LPGAT1: variants seen among roughly 807,000 people sequenced by gnomAD.
LPGAT1 encodes the protein lysophosphatidylglycerol acyltransferase 1, also known as acyl-CoA:lysophosphatidylglycerol acyltransferase 1.
A neutral mutation model predicts 47.5 loss-of-function variants in LPGAT1; 11 were observed. The ratio of observed to expected loss-of-function variants is 0.23; its 90% CI spans 0.15 to 0.38. The LOEUF is 0.38. Among genes scored for constraint, LPGAT1 ranks in the 10% least tolerant of loss-of-function variants. The pLI, the probability that LPGAT1 is intolerant of heterozygous loss-of-function variation, is 1.00. For synonymous variants in LPGAT1, 138 were observed against 144.2 expected (o/e 0.96, Z 0.31); for missense variants, 293 against 439.0 (o/e 0.67, Z 2.97).
chr1:211,813,436 C>A (rs149612164), intron 2 of LPGAT1, among the ~76,000 whole-genome samples: 1 of 152,108 alleles, frequency 6.6e-6, no homozygotes, highest in African/African-American at 2.4e-5. Context: ...ATTATGACTA[C>A]GAAGCAGGGG....
At chr1:211,783,709 C>T (rs1174302965) in intron 4 of LPGAT1, among the ~76,000 whole-genome samples, 1 of 152,082 alleles carries the variant, frequency 6.6e-6, no homozygotes, top group East Asian at 1.9e-4. Flanking sequence ...ACCTTTCTTT[C>T]TGAAGGAAAA....
intron 6 of LPGAT1, among the ~76,000 whole-genome samples, chr1:211,773,588 A>G (rs926531707): frequency 1.3e-5 from 2 of 152,220 alleles, no homozygotes; most frequent in African/African-American, 4.8e-5. Context: ...CTTCTGCACA[A>G]GGATCGTTTT....
At chr1:211,810,942 C>T (rs1054644701) in intron 2 of LPGAT1, among the ~76,000 whole-genome samples, 1 of 152,138 alleles carries the variant, frequency 6.6e-6, no homozygotes, top group Non-Finnish European at 1.5e-5. Flanking sequence ...GTTTTATCAC[C>T]ACACAGGTGA....
intron 2 of LPGAT1, 91 bp from the exon 3 acceptor site, chr1:211,793,281 A>T: frequency 1.4e-6 from 1 of 740,394 alleles, no homozygotes. Context: ...TATATTAATG[A>T]TGATATGTCA....
At chr1:211,782,212 C>A (rs77998956) in intron 5 of LPGAT1, among the ~76,000 whole-genome samples, 2 of 152,160 alleles carry the variant, frequency 1.3e-5, no homozygotes, top group Admixed American at 1.3e-4. Context: ...GTGTTGTATT[C>A]CGTTGTATGG....
At chr1:211,776,619 G>C (rs1183086262) in intron 6 of LPGAT1, among the ~76,000 whole-genome samples, 1 of 152,012 alleles carries the variant, frequency 6.6e-6, no homozygotes, top group Admixed American at 6.6e-5. Context: ...AATGAGGGCT[G>C]CTTTATTTAT....
chr1:211,804,148 C>T (rs1190075152), intron 2 of LPGAT1, among the ~76,000 whole-genome samples: 1 of 152,204 alleles, frequency 6.6e-6, no homozygotes, highest in African/African-American at 2.4e-5. Flanking sequence ...TCAAAGCTCA[C>T]TGTAGCCTCA....
Position 211,796,041 on chromosome 1 carries a change from T to C in LPGAT1, c.239-2851A>G, listed in dbSNP as rs1321940826. On this transcript the variant is annotated intron_variant, in intron 2 of 7. Coordinates refer to ENST00000366997, the MANE Select transcript of LPGAT1 (RefSeq NM_014873.3). ...AATAGTCCTTTAACGCAATCTGTGC[T>C]ACATGAGTGGAAAATACTAGATACC... is the stretch of plus-strand genomic sequence containing the variant. Among the ~76,000 whole-genome samples the C allele has an allele frequency of 3.7e-4, 56 of 152,034 alleles. 2 individuals are homozygous for C. Among genetic ancestry groups the C allele is most frequent in the Non-Finnish European group, 7.4e-5 (5 of 68,024 alleles).
intron 2 of LPGAT1, 149 bp downstream of exon 2, chr1:211,828,910 G>A (rs1660628108): frequency 1.3e-5 from 9 of 710,912 alleles, no homozygotes; most frequent in Non-Finnish European, 1.8e-5. Context: ...CTGAGATTCT[G>A]AAGAGAAACC....
At chr1:211,791,157 T>C (rs756958588) in intron 3 of LPGAT1, among the ~76,000 whole-genome samples, 9 of 152,194 alleles carry the variant, frequency 5.9e-5, no homozygotes, top group African/African-American at 1.2e-4. Context: ...GCTTTTCAGA[T>C]AGACAAGAAA....
chr1:211,829,243 T>C lies in LPGAT1; in HGVS notation c.54A>G (p.Ala18=). 1 of 1,614,172 alleles carries C rather than the reference T, an allele frequency of 6.2e-7. No homozygotes were observed. The highest frequency in any genetic ancestry group is 8.5e-7 in the Non-Finnish European group (1 of 1,180,034). Residue 18 remains alanine, a synonymous_variant, in exon 2 of 8, where the codon GCA becomes GCG. Transcript: ENST00000366997. ...APWLGWLLVK[A]LMRFAFMVVN... Reference sequence around the variant, plus strand: ...CGACCATGAAGGCAAACCTCATCAGTGCTTTCACCAAGAGCCAGCCCAGCC... The same window carrying C: ...CGACCATGAAGGCAAACCTCATCAGCGCTTTCACCAAGAGCCAGCCCAGCC...
Position 211,751,055 on chromosome 1 carries a change from A to G in LPGAT1, c.867T>C (p.Ile289=), listed in dbSNP as rs538309251. 1.2e-6 allele frequency: 2 copies of G among 1,608,440 alleles called. No homozygotes were observed. Among genetic ancestry groups the G allele is most frequent in the South Asian group, 2.2e-5 (2 of 90,708 alleles). Residue 289 remains isoleucine (I), a synonymous_variant, in exon 7 of 8, where the codon ATT becomes ATC. Coordinates refer to ENST00000366997, the MANE Select transcript of LPGAT1 (RefSeq NM_014873.3). ...VTHVHYRIFP[I]KDVPLETDDL... is the part of the protein sequence containing the mutation. ...CATCAGTCTCCAGGGGTACATCTTT[A>G]ATTGGAAAGATCCTATTAAGGGTTA...
intron 6 of LPGAT1, among the ~76,000 whole-genome samples, chr1:211,776,226 C>T (rs913931875): frequency 6.6e-6 from 1 of 152,116 alleles, no homozygotes; most frequent in African/African-American, 2.4e-5. Context: ...TTCTGACTGT[C>T]ATATGTCACA....
At chr1:211,790,617 T>C (rs1230245753) in intron 3 of LPGAT1, among the ~76,000 whole-genome samples, 1 of 152,158 alleles carries the variant, frequency 6.6e-6, no homozygotes, top group Non-Finnish European at 1.5e-5. Flanking sequence ...AAGTATTCAA[T>C]ATTATCAGAG....
At chr1:211,825,178 GCA>G (rs1427294922) in intron 2 of LPGAT1, among the ~76,000 whole-genome samples, 2 of 141,424 alleles carry the variant, frequency 1.4e-5, no homozygotes, top group African/African-American at 5.1e-5. Context: ...AGTATTTCAT[GCA>G]CAGTCTTCTT....
intron 5 of LPGAT1, among the ~76,000 whole-genome samples, chr1:211,781,250 G>A (rs937024345): frequency 1.3e-5 from 2 of 152,152 alleles, no homozygotes; most frequent in Admixed American, 6.5e-5. Flanking sequence ...TTATAAACTA[G>A]TTCTCTGTAA....
At position 211,799,357 on chromosome 1, in the gene LPGAT1, C is replaced by T. The variant is rs533930533; in HGVS notation, c.239-6167G>A. On this transcript the variant is annotated intron_variant, in intron 2 of 7. Coordinates refer to ENST00000366997, the MANE Select transcript of LPGAT1 (RefSeq NM_014873.3). ...GTACTTAGTAATAGAAAATAATTTA[C>T]ATTATTTTCTGATTTAATCTTCACA... Among the ~76,000 whole-genome samples, 3 of 152,148 alleles carry T rather than the reference C, an allele frequency of 2.0e-5. No homozygotes were observed. The East Asian group carries it at 5.8e-4, about 29-fold the overall frequency.
At chr1:211,795,041 G>A (rs1431508103) in intron 2 of LPGAT1, among the ~76,000 whole-genome samples, 2 of 152,122 alleles carry the variant, frequency 1.3e-5, no homozygotes, top group Admixed American at 1.3e-4. Context: ...CCAGGGGCTG[G>A]GGGAGGGGGA....
intron 2 of LPGAT1, among the ~76,000 whole-genome samples, chr1:211,806,363 C>T (rs1253211416): frequency 1.3e-5 from 2 of 151,826 alleles, no homozygotes; most frequent in African/African-American, 2.4e-5. Flanking sequence ...AAATCATGTC[C>T]TCTGCAGCAA....
Sources: allele counts gnomAD v4.1 joint callset (sites outside exome capture counted in the v4.1 genomes callset), GRCh38; gene constraint gnomAD v4.1.1; transcripts MANE v1.5; gene names NCBI Gene and HGNC (gene_info 2026-07-23, HGNC 2026-07-21).